PREX1: variants seen among roughly 807,000 people sequenced by gnomAD.
PREX1 encodes the protein phosphatidylinositol-3,4,5-trisphosphate dependent Rac exchange factor 1.
A neutral mutation model predicts 198.3 loss-of-function variants in PREX1; 41 were observed. That is an observed-to-expected ratio of 0.21 (90% CI 0.16 to 0.27). The LOEUF (loss-of-function observed/expected upper bound fraction) is 0.27, where lower values mean the gene tolerates loss of function less well. Ranked by LOEUF, PREX1 falls within the 10% of genes least tolerant of loss-of-function variation. The probability of loss-of-function intolerance (pLI) is 1.00; values close to 1 mark genes in which losing one functional copy is unlikely to be tolerated. For missense variants in PREX1, 1,620 were observed against 2,200.7 expected, an observed-to-expected ratio of 0.74 and a Z score of 5.28; for synonymous variants, 843 against 887.2, an observed-to-expected ratio of 0.95 and a Z score of 0.89.
chr20:48,823,655 T>C (rs905763494), intron 1 of PREX1, among the ~76,000 whole-genome samples: 4 of 152,092 alleles, frequency 2.6e-5, no homozygotes, highest in Admixed American at 2.6e-4. Context: ...TCCCATTCTG[T>C]GGAGAAAAGA....
rs1373366954 is a variant in PREX1, at chr20:48,769,322, T to C, written c.220-21442A>G. 3.3e-5 allele frequency among the ~76,000 whole-genome samples: 5 copies of C among 152,136 alleles called. No individual in the cohort carries two copies. In the East Asian group the frequency reaches 9.6e-4, roughly 29 times the overall value. ...CTGCCCCGTTGAATGAGACGTGCCT[T>C]GAATCCTGAGGGGATCCTCTCCAGG... On this transcript the variant is annotated intron_variant, in intron 1 of 39. Transcript: ENST00000371941.
chr20:48,844,266 C>T, the PREX1 span, among the ~76,000 whole-genome samples: 5 of 152,120 alleles, frequency 3.3e-5, no homozygotes, highest in East Asian at 5.8e-4. Context: ...ATACCCTGTA[C>T]CCCCCATTCC....
intron 9 of PREX1, among the ~76,000 whole-genome samples, chr20:48,689,141 G>A (rs958081497): frequency 1.3e-5 from 2 of 152,174 alleles, no homozygotes; most frequent in Non-Finnish European, 1.5e-5. Flanking sequence ...TCCCCAACCT[G>A]AGGGTGGGTT....
chr20:48,652,658 G>A lies in PREX1; in HGVS notation c.2395C>T (p.Arg799Ter), dbSNP rs1003090112. Residue 799 changes from arginine (R) to a stop codon, truncating the protein, a stop_gained, in exon 21 of 40, where the codon CGA becomes TGA. Transcript: ENST00000371941. LOFTEE classifies it high-confidence loss of function. ...YHTHEDAQEA[R>*]ASQEASTEDP... ...TCAGTGGAGGCCTCCTGACTGGCTC[G>A]TGCTTCCTGGGCATCCTCATGGGTG... 6.2e-7 allele frequency: 1 copy of A among 1,613,078 alleles called. No individual in the cohort carries two copies.
At position 48,666,184 on chromosome 20, in the gene PREX1, G is replaced by A; in HGVS notation, c.1738+99C>T. 1 of 1,263,256 alleles carries A rather than the reference G, an allele frequency of 7.9e-7. No homozygotes were observed. Among genetic ancestry groups the A allele is most frequent in the Non-Finnish European group, 1.1e-6 (1 of 902,826 alleles). 78.3% of individuals were successfully genotyped at this position (1,263,256 alleles called of 1,614,324 possible). On this transcript the variant is annotated intron_variant, in intron 15 of 39. Transcript: ENST00000371941. This position sits in a 1 kb window ranked among gnomAD's most constrained non-coding sequence, Gnocchi z 4.3. ...GCCTCCCCAAACCCCCGGGGGTCTA[G>A]AGAGCCACAGACCTGGCTTCAGTCC...
chr20:48,727,813 C>A (rs142804131), intron 4 of PREX1, among the ~76,000 whole-genome samples: 311 of 152,296 alleles, frequency 2.0e-3, no homozygotes, highest in African/African-American at 7.1e-3. Context: ...CCTCCTAGAG[C>A]CTTCATAGGT....
At position 48,651,527 on chromosome 20, in the gene PREX1, C is replaced by T. The variant is rs776085593; in HGVS notation, c.2524G>A (p.Val842Ile). The T allele has an allele frequency of 6.2e-7, 1 of 1,614,200 alleles. No homozygotes were observed. The highest frequency in any genetic ancestry group is 2.2e-5 in the East Asian group (1 of 44,886). Residue 842 changes from valine (V) to isoleucine (I), a missense_variant, in exon 22 of 40, where the codon GTC (valine) becomes ATC (isoleucine). Coordinates refer to ENST00000371941, the MANE Select transcript of PREX1 (RefSeq NM_020820.4). Reference protein sequence around the residue: ...RLSLCEDSPMVTLTVDNVHLE... With the variant: ...RLSLCEDSPMITLTVDNVHLE... ...TGCACGTTGTCCACAGTCAGGGTGA[C>T]CATGGGGCTGTCCTCACACAGGCTC... is the stretch of plus-strand genomic sequence containing the variant.
At chr20:48,708,510 C>T in intron 5 of PREX1, 89 bp from the exon 6 acceptor site, 1 of 1,392,696 alleles carries the variant, frequency 7.2e-7, no homozygotes. Flanking sequence ...AGAAAACAGA[C>T]AAAAACTCCT....
At chr20:48,659,502 G>A (rs148873422) in intron 16 of PREX1, among the ~76,000 whole-genome samples, 32 of 152,166 alleles carry the variant, frequency 2.1e-4, no homozygotes, top group East Asian at 1.9e-3. Context: ...TAATGGAGCC[G>A]TCTTCATATG....
intron 7 of PREX1, among the ~76,000 whole-genome samples, chr20:48,698,455 T>C (rs1328331852): frequency 6.6e-6 from 1 of 151,678 alleles, no homozygotes; most frequent in East Asian, 1.9e-4. Flanking sequence ...AGGGTGGACA[T>C]TGGCAGCAGC....
intron 35 of PREX1, among the ~76,000 whole-genome samples, chr20:48,631,727 C>T (rs1267621413): frequency 6.6e-6 from 1 of 152,170 alleles, no homozygotes; most frequent in Non-Finnish European, 1.5e-5. Flanking sequence ...GGTGGTGAGA[C>T]ACACGCAGGA....
Position 48,632,632 on chromosome 20 carries a change from G to C in PREX1, c.4275C>G (p.Asn1425Lys). The C allele has an allele frequency of 6.2e-7, 1 of 1,613,422 alleles. No homozygotes were observed. Among genetic ancestry groups the C allele is most frequent in the Middle Eastern group, 1.7e-4 (1 of 6,058 alleles). Reference sequence around the variant, plus strand: ...GGCTGCCCTCAATGTGGTAGAAGACGTTGGTGTCTGCGGAAGGATATGGGG... The same window carrying C: ...GGCTGCCCTCAATGTGGTAGAAGACCTTGGTGTCTGCGGAAGGATATGGGG... ...QLDENYVANT[N>K]VFYHIEGSRQ... The change falls in exon 34 of 40, where the codon AAC (asparagine) becomes AAG (lysine). Residue 1425 changes from asparagine (N) to lysine (K), a missense_variant. Asn to Lys is a moderately conservative substitution (Grantham distance 94). Coordinates refer to ENST00000371941, the MANE Select transcript of PREX1 (RefSeq NM_020820.4).
rs2090513095 is a variant in PREX1 at position 48,827,239 on chromosome 20, T to C, written c.219+403A>G. Among the ~76,000 whole-genome samples, 2 of 152,190 alleles carry C rather than the reference T, an allele frequency of 1.3e-5. No individual in the cohort carries two copies. Among genetic ancestry groups the C allele is most frequent in the South Asian group, 2.1e-4 (1 of 4,826 alleles). The stretch of plus-strand genomic sequence containing the variant: ...GCTCTGGGGCTCCTACGGTATGTCC[T>C]AGATGAGTGGTGCACCGGGCGCGTA... On this transcript the variant is annotated intron_variant, in intron 1 of 39. Coordinates refer to ENST00000371941, the MANE Select transcript of PREX1 (RefSeq NM_020820.4). This position sits in a 1 kb window ranked among gnomAD's most constrained non-coding sequence, Gnocchi z 4.1.
the PREX1 span, among the ~76,000 whole-genome samples, chr20:48,862,548 C>G: frequency 1.3e-5 from 2 of 152,090 alleles, no homozygotes; most frequent in East Asian, 3.9e-4. Flanking sequence ...TTTCTCATCT[C>G]TCATCACGTG....
rs1338203114 is a variant in PREX1, at chr20:48,632,351, C to G, written c.4452G>C (p.Gln1484His). The change falls in exon 35 of 40, where the codon CAG becomes CAC. Residue 1484 changes from glutamine to histidine, a missense_variant. Coordinates refer to ENST00000371941, the MANE Select transcript of PREX1 (RefSeq NM_020820.4). ...TGTCCTGCTGCAAATCCTCCGCGGC[C>G]TGGCTGCCTGGAGAAGGCAGCCCCT... ...NVEGLPSPGS[Q>H]AAEDLQQDIN... 2 of 1,614,048 alleles carry G rather than the reference C, an allele frequency of 1.2e-6. No homozygotes were observed. Among genetic ancestry groups the G allele is most frequent in the African/African-American group, 2.7e-5 (2 of 75,074 alleles).
rs57506374 is a variant in PREX1, at chr20:48,746,941, AACAC to A, written c.291+864_291+867del. ...CATAGAGTTTAGATCCCAGTGCATG[AACAC>A]ACACACACACACACACACACACACA... On this transcript the variant is annotated intron_variant, in intron 2 of 39. Coordinates refer to ENST00000371941, the MANE Select transcript of PREX1 (RefSeq NM_020820.4). Among the ~76,000 whole-genome samples, 1,107 of 117,634 alleles carry A rather than the reference AACAC, an allele frequency of 9.4e-3. 7 individuals are homozygous for A. The highest frequency in any genetic ancestry group is 0.029 in the East Asian group (102 of 3,536). The allele number at this position is 117,634 out of a possible 152,430, so 77.2% of individuals were successfully genotyped here.
chr20:48,648,754 G>C (rs566753926), intron 25 of PREX1, among the ~76,000 whole-genome samples: 1 of 152,292 alleles, frequency 6.6e-6, no homozygotes, highest in East Asian at 1.9e-4. Context: ...ATTCGTTGAT[G>C]ATTTGGCCGG....
chr20:48,653,260 A>G, intron 20 of PREX1, 101 bp downstream of exon 20: 1 of 1,510,238 alleles, frequency 6.6e-7, no homozygotes. Context: ...ACTCACAACC[A>G]GTGGTACATG....
rs186316193 is a variant in PREX1 at position 48,707,063 on chromosome 20, C to T, written c.783+1197G>A. Among the ~76,000 whole-genome samples, 257 of 152,336 alleles carry T rather than the reference C, an allele frequency of 1.7e-3. 1 individual carries two copies. The highest frequency in any genetic ancestry group is 3.0e-3 in the Non-Finnish European group (202 of 68,036). ...CATCCCATGGCTGCTACCCCACCAA[C>T]AATAAAAAAGGAAAGCCTAGGCCAT... On this transcript the variant is annotated intron_variant, in intron 6 of 39. Coordinates refer to ENST00000371941, the MANE Select transcript of PREX1 (RefSeq NM_020820.4).
Sources: allele counts gnomAD v4.1 joint callset (sites outside exome capture counted in the v4.1 genomes callset), GRCh38; gene constraint gnomAD v4.1.1; non-coding constraint Gnocchi (gnomAD v3.1); transcripts MANE v1.5; gene names NCBI Gene and HGNC (gene_info 2026-07-23, HGNC 2026-07-21).